TNKS2: variants seen among roughly 807,000 people sequenced by gnomAD.
TNKS2 encodes the protein poly [ADP-ribose] polymerase tankyrase-2.
A neutral mutation model predicts 137.6 loss-of-function variants in TNKS2; 72 were observed. The observed-to-expected ratio is 0.52, with a 90% confidence interval of 0.43 to 0.64. TNKS2 has a LOEUF of 0.64. Among genes scored for constraint, TNKS2 ranks in the 30% least tolerant of loss-of-function variants. The pLI, the probability that TNKS2 is intolerant of heterozygous loss-of-function variation, is 0.00. For synonymous variants in TNKS2, 516 were observed against 512.1 expected (o/e 1.01, Z -0.10); for missense variants, 1,049 against 1,410.2 (o/e 0.74, Z 4.10).
At chr10:91,841,536 A>G (rs1842211260) in intron 15 of TNKS2, 88 bp downstream of exon 15, 6 of 1,043,384 alleles carry the variant, frequency 5.8e-6, no homozygotes, top group Non-Finnish European at 7.9e-6. Flanking sequence ...AAGTTAAACT[A>G]GTAAGCAATG....
At chr10:91,825,154 T>G (rs1289588503) in intron 7 of TNKS2, among the ~76,000 whole-genome samples, 2 of 152,038 alleles carry the variant, frequency 1.3e-5, no homozygotes, top group Non-Finnish European at 2.9e-5. Flanking sequence ...CAGGTTGGAG[T>G]GCAGTGGCAC....
chr10:91,846,067 G>GT (rs1310128500), intron 18 of TNKS2, 127 bp downstream of exon 18: 2 of 583,394 alleles, frequency 3.4e-6, no homozygotes, highest in Admixed American at 3.7e-5. Flanking sequence ...TGATTTTAAT[G>GT]TAAGAGTTCT....
At chr10:91,813,377 T>G (rs1023671866) in intron 2 of TNKS2, among the ~76,000 whole-genome samples, 170 bp downstream of exon 2, 2 of 152,242 alleles carry the variant, frequency 1.3e-5, no homozygotes, top group African/African-American at 4.8e-5. Context: ...TGTGTAGTAC[T>G]GAGCCTAAAT....
At chr10:91,807,343 G>T in intron 1 of TNKS2, 1 of 1,614,042 alleles carries the variant, frequency 6.2e-7, no homozygotes, top group South Asian at 1.1e-5. Flanking sequence ...CCATCAGAAT[G>T]CCTATATTTG....
intron 17 of TNKS2, among the ~76,000 whole-genome samples, chr10:91,845,424 A>G (rs569216766): frequency 6.6e-6 from 1 of 152,350 alleles, no homozygotes; most frequent in Non-Finnish European, 1.5e-5. Flanking sequence ...TATAGTTTGA[A>G]TAATTGAGGA....
chr10:91,849,578 T>G lies in TNKS2; in HGVS notation c.2678T>G (p.Ile893Arg). Residue 893 changes from isoleucine (I) to arginine (R), a missense_variant, in exon 20 of 27, where the codon ATA (isoleucine) becomes AGA (arginine). Coordinates refer to ENST00000371627, the MANE Select transcript of TNKS2 (RefSeq NM_025235.4). Reference sequence around the variant, plus strand: ...CTTGGACTTGAGCACCTAATGGATATATTTGAGAGAGAACAGGTGAGTAGA... The same window carrying G: ...CTTGGACTTGAGCACCTAATGGATAGATTTGAGAGAGAACAGGTGAGTAGA... ...RNLGLEHLMDIFEREQITLDV... is the reference protein window; with the variant it reads ...RNLGLEHLMDRFEREQITLDV... 1 of 1,610,528 alleles carries G rather than the reference T, an allele frequency of 6.2e-7. No homozygotes were observed. The highest frequency in any genetic ancestry group is 8.5e-7 in the Non-Finnish European group (1 of 1,178,606).
At chr10:91,855,518 C>A in intron 22 of TNKS2, 96 bp from the exon 23 acceptor site, 2 of 989,280 alleles carry the variant, frequency 2.0e-6, no homozygotes, top group Non-Finnish European at 3.0e-6. Flanking sequence ...TTTGTATTCT[C>A]AAAAATAGAA....
intron 1 of TNKS2, among the ~76,000 whole-genome samples, chr10:91,800,664 A>T (rs1844137533): frequency 6.6e-6 from 1 of 152,160 alleles, no homozygotes; most frequent in African/African-American, 2.4e-5. Context: ...GGTATAGGTT[A>T]TCAGATTAAG....
Position 91,859,558 on chromosome 10 carries a change from A to G in TNKS2, c.3191A>G (p.Asn1064Ser). Residue 1064 changes from asparagine (N) to serine (S), a missense_variant, in exon 25 of 27, where the codon AAC becomes AGC. This residue lies in a region of TNKS2 where 133 missense variants were observed against 248.4 expected (regional missense o/e 0.54). Coordinates refer to ENST00000371627, the MANE Select transcript of TNKS2 (RefSeq NM_025235.4). The stretch of plus-strand genomic sequence containing the variant: ...GGAGCTGGCATTTATTTTGCTGAAA[A>G]CTCTTCCAAAAGCAATCAATATGTA... ...MFGAGIYFAE[N>S]SSKSNQYVYG... The G allele has an allele frequency of 6.2e-7, 1 of 1,613,616 alleles. No homozygotes were observed. Among genetic ancestry groups the G allele is most frequent in the East Asian group, 2.2e-5 (1 of 44,856 alleles).
At chr10:91,830,400 TAGAG>T (rs962107475) in intron 9 of TNKS2, among the ~76,000 whole-genome samples, 8 of 152,112 alleles carry the variant, frequency 5.3e-5, no homozygotes, top group African/African-American at 9.7e-5. Flanking sequence ...GTATTTTTAT[TAGAG>T]AGGGGGTTTC....
intron 15 of TNKS2, among the ~76,000 whole-genome samples, chr10:91,841,848 T>C (rs1842217310): frequency 2.0e-5 from 3 of 152,138 alleles, no homozygotes; most frequent in Admixed American, 1.3e-4. Flanking sequence ...ATACAGAGAT[T>C]TATACTTTAT....
In TNKS2 at chr10:91,798,483, G is replaced by A. The variant is rs888968072; in HGVS notation, c.-208G>A. On this transcript the variant is annotated 5_prime_UTR_variant, in exon 1 of 27. Transcript: ENST00000371627. Reference sequence around the variant, plus strand: ...ACGGCGGATTCGCGCTGCCTCCGCCGCCGCGGGGCAGCCGGGGGGCAGGGA... The same window carrying A: ...ACGGCGGATTCGCGCTGCCTCCGCCACCGCGGGGCAGCCGGGGGGCAGGGA... 1.5e-5 allele frequency: 7 copies of A among 451,972 alleles called. No individual in the cohort carries two copies. The highest frequency in any genetic ancestry group is 5.0e-5 in the Admixed American group (1 of 20,148). The allele number at this position is 451,972 out of a possible 1,614,324, so 28.0% of individuals were successfully genotyped here.
intron 20 of TNKS2, 125 bp downstream of exon 20, chr10:91,849,719 T>G (rs1842487227): frequency 7.4e-6 from 5 of 672,492 alleles, no homozygotes; most frequent in Middle Eastern, 2.6e-4. Context: ...AGAAATGACA[T>G]CAGTCAGCCT....
chr10:91,819,360 C>CTT (rs74263177), intron 4 of TNKS2, 54 bp downstream of exon 4: 68,626 of 1,149,876 alleles, frequency 0.06, 870 homozygotes, highest in East Asian at 0.12. Context: ...TTAACTTTTT[C>CTT]TTTTTTTTTT....
chr10:91,858,719 G>A (rs1182488494), intron 24 of TNKS2, among the ~76,000 whole-genome samples: 1 of 152,140 alleles, frequency 6.6e-6, no homozygotes, highest in Non-Finnish European at 1.5e-5. Flanking sequence ...ATAAGAATGT[G>A]AAAGTTGGGC....
chr10:91,855,535 G>A (rs1393098788), intron 22 of TNKS2, 79 bp from the exon 23 acceptor site: 8 of 1,079,978 alleles, frequency 7.4e-6, no homozygotes, highest in Non-Finnish European at 9.5e-6. Context: ...AGAATCAGAC[G>A]AGTCAAGAAC....
At position 91,832,946 on chromosome 10, in the gene TNKS2, C is replaced by T. The variant is rs147689733; in HGVS notation, c.1276-907C>T. ...ATCTTTCCATTTTTTCCTCCATCCA[C>T]CAATATATCTTATTTTTTCACACAT... On this transcript the variant is annotated intron_variant, in intron 11 of 26. Coordinates refer to ENST00000371627, the MANE Select transcript of TNKS2 (RefSeq NM_025235.4). 2.0e-4 allele frequency among the ~76,000 whole-genome samples: 31 copies of T among 152,218 alleles called. No homozygotes were observed. In the East Asian group the frequency reaches 5.8e-3, roughly 28 times the overall value.
intron 9 of TNKS2, among the ~76,000 whole-genome samples, chr10:91,829,479 G>A (rs1237854830): frequency 6.6e-6 from 1 of 152,150 alleles, no homozygotes; most frequent in African/African-American, 2.4e-5. Flanking sequence ...TAGTTATGGT[G>A]CAGTAGCAGT....
At chr10:91,825,715 G>A (rs772659384) in intron 7 of TNKS2, among the ~76,000 whole-genome samples, 6 of 152,162 alleles carry the variant, frequency 3.9e-5, no homozygotes, top group Non-Finnish European at 8.8e-5. Flanking sequence ...GTGTTTGATT[G>A]GTTAAACTAG....
Sources: allele counts gnomAD v4.1 joint callset (sites outside exome capture counted in the v4.1 genomes callset), GRCh38; gene constraint gnomAD v4.1.1; regional missense constraint gnomAD v4.1.1; transcripts MANE v1.5; gene names NCBI Gene and HGNC (gene_info 2026-07-23, HGNC 2026-07-21).